The following ZFP28 variants were observed in gnomAD, a reference collection of about 807,000 sequenced individuals.
ZFP28 encodes the protein zinc finger protein 28 homolog.
Under a neutral mutation model 39.5 loss-of-function variants are expected in ZFP28, and 31 were observed. The ratio of observed to expected loss-of-function variants is 0.79; its 90% CI spans 0.59 to 1.06. The LOEUF is 1.06. ZFP28 is among the 50% of genes least tolerant of loss of function. ZFP28 has a pLI of 0.00. For missense variants in ZFP28, 925 were observed against 1,048.4 expected, an observed-to-expected ratio of 0.88 and a Z score of 1.63; for synonymous variants, 400 against 378.6, an observed-to-expected ratio of 1.06 and a Z score of -0.66.
rs747652748 is a variant in ZFP28, at chr19:56,549,024, C to G, written c.590C>G (p.Ser197Cys). The change falls in exon 5 of 8, where the codon TCC becomes TGC. Residue 197 changes from serine (S) to cysteine (C), a missense_variant. Coordinates refer to ENST00000301318, the MANE Select transcript of ZFP28 (RefSeq NM_020828.2). ...LKKDFCEGKL[S>C]QAVITERLTS... ...AAGGACTTCTGCGAAGGAAAGCTAT[C>G]CCAGGCAGTGATAACAGAGAGACTC... is the stretch of plus-strand genomic sequence containing the variant. 26 of 1,613,980 alleles carry G rather than the reference C, an allele frequency of 1.6e-5. No homozygotes were observed. The Admixed American group carries it at 4.3e-4, about 27-fold the overall frequency.
chr19:56,554,526 A>C lies in ZFP28; in HGVS notation c.1741A>C (p.Arg581=), dbSNP rs766919383. 1 of 1,614,220 alleles carries C rather than the reference A, an allele frequency of 6.2e-7. No individual in the cohort carries two copies. Among genetic ancestry groups the C allele is most frequent in the Admixed American group, 1.7e-5 (1 of 60,032 alleles). Residue 581 remains arginine (R), a synonymous_variant, in exon 8 of 8, where the codon AGA becomes CGA. Transcript: ENST00000301318. The surrounding 1 kb of genome is among the most constrained non-coding windows in gnomAD (Gnocchi z 6.7). The part of the protein sequence containing the change: ...SHHASLTQHQ[R]VHSGEKPFKC... Reference sequence around the variant, plus strand: ...TCATGCATCACTCACTCAACATCAAAGAGTACATTCTGGAGAAAAGCCTTT... The same window carrying C: ...TCATGCATCACTCACTCAACATCAACGAGTACATTCTGGAGAAAAGCCTTT...
chr19:56,549,502 C>G (rs142162635), intron 5 of ZFP28, among the ~76,000 whole-genome samples: 2 of 152,010 alleles, frequency 1.3e-5, no homozygotes, highest in African/African-American at 4.8e-5. Flanking sequence ...ATTGTGAAAC[C>G]CTGTCTCTAC....
upstream of ZFP28, chr19:56,538,835 C>G (rs1299188139): frequency 1.5e-4 from 7 of 46,078 alleles, no homozygotes; most frequent in African/African-American, 2.4e-3. Flanking sequence ...GGCGGGGCAG[C>G]GGGGAGGGGT....
At chr19:56,549,957 G>T in intron 5 of ZFP28, 110 bp from the exon 6 acceptor site, 1 of 743,846 alleles carries the variant, frequency 1.3e-6, no homozygotes, top group Non-Finnish European at 2.2e-6. Context: ...TTAAGTTGCA[G>T]TTCTTGGTAT....
chr19:56,555,473 T>A lies in ZFP28; in HGVS notation c.*81T>A. On this transcript the variant is annotated 3_prime_UTR_variant, in exon 8 of 8. Transcript: ENST00000301318. Reference sequence around the variant, plus strand: ...GCCCTTTTGTTTTCTTTTTGTCCCTTATTAGTTAGTTCTTCACATAAGTGT... The same window carrying A: ...GCCCTTTTGTTTTCTTTTTGTCCCTAATTAGTTAGTTCTTCACATAAGTGT... 3.5e-6 allele frequency: 5 copies of A among 1,431,200 alleles called. No individual in the cohort carries two copies. Among genetic ancestry groups the A allele is most frequent in the Non-Finnish European group, 4.6e-6 (5 of 1,083,346 alleles). The allele number at this position is 1,431,200 out of a possible 1,614,324, so 88.7% of individuals were successfully genotyped here.
Position 56,539,189 on chromosome 19 carries a change from C to A in ZFP28, c.171C>A (p.Gly57=). Reference sequence around the variant, plus strand: ...CAAGGAATGGCCTCGCATCCAAAGGCCAGCGAGGAGCGGCCCCTACGGGGC... The same window carrying A: ...CAAGGAATGGCCTCGCATCCAAAGGACAGCGAGGAGCGGCCCCTACGGGGC... The part of the protein sequence containing the change: ...PRSRNGLASK[G]QRGAAPTGPG... The change falls in exon 1 of 8, where the codon GGC becomes GGA. Residue 57 remains glycine, a synonymous_variant. Transcript: ENST00000301318. 6.2e-7 allele frequency: 1 copy of A among 1,603,788 alleles called. No individual in the cohort carries two copies. Among genetic ancestry groups the A allele is most frequent in the Non-Finnish European group, 8.5e-7 (1 of 1,178,192 alleles).
intron 7 of ZFP28, chr19:56,551,082 AT>A (rs2044297723): frequency 9.2e-7 from 1 of 1,091,836 alleles, no homozygotes; most frequent in Non-Finnish European, 1.1e-6. Context: ...AATGGAAAGG[AT>A]AAGACATGTT....
chr19:56,539,677 G>C lies in ZFP28; in HGVS notation c.261G>C (p.Glu87Asp). 5.0e-6 allele frequency: 8 copies of C among 1,614,184 alleles called. No individual in the cohort carries two copies. Among genetic ancestry groups the C allele is most frequent in the Non-Finnish European group, 6.8e-6 (8 of 1,180,030 alleles). ...ALPQERNKKL[E>D]AVGTGIEPKA... ...CCCAGGAGAGAAACAAGAAGCTGGA[G>C]GCTGTGGGGACAGGAATTGAACCTA... Residue 87 changes from glutamate to aspartate, a missense_variant, in exon 2 of 8, where the codon GAG becomes GAC. Glu to Asp is a conservative substitution (Grantham distance 45). This residue lies in a region of ZFP28 where 556 missense variants were observed against 542.9 expected (regional missense o/e 1.02). Transcript: ENST00000301318.
At chr19:56,549,929 G>T in intron 5 of ZFP28, 138 bp from the exon 6 acceptor site, 1 of 620,236 alleles carries the variant, frequency 1.6e-6, no homozygotes. Context: ...GTCATTATTT[G>T]ACCTGGTGTA....
At chr19:56,550,846 C>T (rs1370322892) in intron 7 of ZFP28, 1 of 1,456,330 alleles carries the variant, frequency 6.9e-7, no homozygotes, top group East Asian at 2.5e-5. Context: ...CGTGTATCAT[C>T]CACTTGCTTC....
chr19:56,554,987 T>C lies in ZFP28; in HGVS notation c.2202T>C (p.Cys734=). ...AAAGACCTTATGAATGTATTGAGTGTGGAAAGGCATTCAAGACAAAATCCT... is the reference window on the plus strand; with the variant it reads ...AAAGACCTTATGAATGTATTGAGTGCGGAAAGGCATTCAAGACAAAATCCT... The part of the protein sequence containing the change: ...TGQRPYECIE[C]GKAFKTKSSL... The change falls in exon 8 of 8, where the codon TGT becomes TGC. Residue 734 remains cysteine (C), a synonymous_variant. Transcript: ENST00000301318. The surrounding 1 kb of genome is among the most constrained non-coding windows in gnomAD (Gnocchi z 6.7). The C allele has an allele frequency of 6.2e-7, 1 of 1,614,110 alleles. No individual in the cohort carries two copies. Among genetic ancestry groups the C allele is most frequent in the South Asian group, 1.1e-5 (1 of 91,086 alleles).
Position 56,547,844 on chromosome 19 carries a change from G to A in ZFP28, c.465G>A (p.Leu155=), listed in dbSNP as rs1188092085. 5 of 1,614,088 alleles carry A rather than the reference G, an allele frequency of 3.1e-6. No individual in the cohort carries two copies. The highest frequency in any genetic ancestry group is 4.2e-6 in the Non-Finnish European group (5 of 1,180,012). ...CVSKPDVISS[L]EQGKEPWTVK... Reference sequence around the variant, plus strand: ...CTAAGCCCGATGTGATCTCCTCGTTGGAACAAGGAAAAGAGCCTTGGACAG... The same window carrying A: ...CTAAGCCCGATGTGATCTCCTCGTTAGAACAAGGAAAAGAGCCTTGGACAG... The change falls in exon 4 of 8, where the codon TTG becomes TTA. Residue 155 remains leucine (L), a synonymous_variant. Coordinates refer to ENST00000301318, the MANE Select transcript of ZFP28 (RefSeq NM_020828.2). The surrounding 1 kb of genome is among the most constrained non-coding windows in gnomAD (Gnocchi z 4.6).
At chr19:56,540,226 G>A (rs1279512212) in intron 2 of ZFP28, among the ~76,000 whole-genome samples, 1 of 152,246 alleles carries the variant, frequency 6.6e-6, no homozygotes, top group East Asian at 1.9e-4. Context: ...CCAGCCTCCT[G>A]TAGCGGAAGG....
At chr19:56,539,502 G>T (rs930537801) in intron 1 of ZFP28, 123 bp from the exon 2 acceptor site, 1 of 841,022 alleles carries the variant, frequency 1.2e-6, no homozygotes, top group Non-Finnish European at 1.9e-6. Flanking sequence ...TCTCCACGTT[G>T]TGGCAGTCCC....
chr19:56,550,649 G>A (rs759148722), intron 7 of ZFP28, 44 bp downstream of exon 7: 2 of 1,611,366 alleles, frequency 1.2e-6, no homozygotes, highest in African/African-American at 2.7e-5. Context: ...CTGCAAGAGA[G>A]AGCGGAGCTT....
intron 7 of ZFP28, 24 bp from the exon 8 acceptor site, chr19:56,553,660 A>G (rs770864082): frequency 5.2e-6 from 8 of 1,537,026 alleles, no homozygotes; most frequent in Admixed American, 2.2e-5. Flanking sequence ...AAAAGGAAAT[A>G]TGTGTTTTCT....
Position 56,547,885 on chromosome 19 carries a change from C to T in ZFP28, c.506C>T (p.Thr169Ile), listed in dbSNP as rs373668390. 1.1e-5 allele frequency: 18 copies of T among 1,614,010 alleles called. No individual in the cohort carries two copies. In the African/African-American group the frequency reaches 1.3e-4, roughly 12 times the overall value. ...CCTTGGACAGTGAAGCGAAAGATGA[C>T]AAGAGCCTGGTGCCCAGGTGAGTGT... ...KEPWTVKRKM[T>I]RAWCPDLKAV... The change falls in exon 4 of 8, where the codon ACA (threonine) becomes ATA (isoleucine). Residue 169 changes from threonine to isoleucine, a missense_variant. Physicochemically the swap from Thr to Ile is moderately conservative, Grantham distance 89 (BLOSUM62 -1). Transcript: ENST00000301318. The surrounding 1 kb of genome is among the most constrained non-coding windows in gnomAD (Gnocchi z 4.6).
rs1317688634 is a variant in ZFP28, at chr19:56,554,894, T to C, written c.2109T>C (p.Cys703=). 1.2e-6 allele frequency: 2 copies of C among 1,614,166 alleles called. No individual in the cohort carries two copies. The highest frequency in any genetic ancestry group is 1.1e-5 in the South Asian group (1 of 91,090). ...RVHTGEKPYK[C]MECGKAFGDN... is the part of the protein sequence containing the mutation. ...ACACTGGTGAGAAACCCTATAAATG[T>C]ATGGAATGTGGGAAGGCCTTTGGTG... Residue 703 remains cysteine, a synonymous_variant, in exon 8 of 8, where the codon TGT becomes TGC. Coordinates refer to ENST00000301318, the MANE Select transcript of ZFP28 (RefSeq NM_020828.2). The surrounding 1 kb of genome is among the most constrained non-coding windows in gnomAD (Gnocchi z 6.7).
chr19:56,552,030 G>A (rs1245272353), intron 7 of ZFP28: 2 of 942,742 alleles, frequency 2.1e-6, no homozygotes, highest in Non-Finnish European at 2.5e-6. Context: ...TCTCCTATTT[G>A]TGTGGCTAAC....
Sources: allele counts gnomAD v4.1 joint callset (sites outside exome capture counted in the v4.1 genomes callset), GRCh38; gene constraint gnomAD v4.1.1; regional missense constraint gnomAD v4.1.1; non-coding constraint Gnocchi (gnomAD v3.1); transcripts MANE v1.5; gene names NCBI Gene and HGNC (gene_info 2026-07-23, HGNC 2026-07-21).